The following TMEM63C variants were observed in gnomAD, a reference collection of about 807,000 sequenced individuals.
TMEM63C encodes osmosensitive cation channel TMEM63C.
In TMEM63C, 32 loss-of-function variants were observed where a neutral mutation model predicts 99.2. The observed-to-expected ratio is 0.32, with a 90% CI of 0.24 to 0.43. TMEM63C has a LOEUF of 0.43. Among genes scored for constraint, TMEM63C ranks in the 20% least tolerant of loss-of-function variants. The pLI is 1.00. For missense variants in TMEM63C, 826 were observed against 1,053.0 expected (o/e 0.78, Z 2.98); for synonymous variants, 376 against 397.9 (o/e 0.94, Z 0.66).
At position 77,246,007 on chromosome 14, in the gene TMEM63C, C is replaced by T; in HGVS notation, c.1516C>T (p.Pro506Ser). The change falls in exon 17 of 24, where the codon CCC becomes TCC. Residue 506 changes from proline (P) to serine (S), a missense_variant. Physicochemically the swap from Pro to Ser is moderately conservative, Grantham distance 74 (BLOSUM62 -1). Coordinates refer to ENST00000298351, the MANE Select transcript of TMEM63C (RefSeq NM_020431.4). ...IFLVFMVVIL[P>S]SMGLTSLDVF... ...TCTGGTGTTCATGGTAGTCATTCTG[C>T]CCTCTATGGGACTGACCAGGTACCT... 6.2e-7 allele frequency: 1 copy of T among 1,613,682 alleles called. No homozygotes were observed. The highest frequency in any genetic ancestry group is 2.2e-5 in the East Asian group (1 of 44,884).
At chr14:77,232,563 C>T (rs913952178) in intron 7 of TMEM63C, among the ~76,000 whole-genome samples, 1 of 152,208 alleles carries the variant, frequency 6.6e-6, no homozygotes, top group African/African-American at 2.4e-5. Flanking sequence ...GCTGAGATTA[C>T]AGGCATGAGC....
chr14:77,205,048 G>A (rs575168608), intron 1 of TMEM63C, among the ~76,000 whole-genome samples: 15 of 152,350 alleles, frequency 9.8e-5, no homozygotes, highest in African/African-American at 3.4e-4. Context: ...AGATTAACCA[G>A]GGGGAGAATG....
intron 1 of TMEM63C, among the ~76,000 whole-genome samples, chr14:77,206,879 T>C (rs1888411562): frequency 7.0e-6 from 1 of 143,612 alleles, no homozygotes; most frequent in Non-Finnish European, 1.5e-5. Flanking sequence ...ATAATTTTAG[T>C]TTTTTTCTTT....
intron 1 of TMEM63C, among the ~76,000 whole-genome samples, chr14:77,187,264 G>T (rs1490665146): frequency 6.6e-6 from 1 of 152,222 alleles, no homozygotes; most frequent in Non-Finnish European, 1.5e-5. Flanking sequence ...ACCTCTTACT[G>T]CTGGGGCTGG....
chr14:77,203,648 G>C (rs1020781526), intron 1 of TMEM63C, among the ~76,000 whole-genome samples: 1 of 152,260 alleles, frequency 6.6e-6, no homozygotes, highest in African/African-American at 2.4e-5. Context: ...CTGAGGACAG[G>C]CCATATGTAA....
At chr14:77,240,387 A>C (rs1378501558) in intron 12 of TMEM63C, 88 bp from the exon 13 acceptor site, 9 of 1,462,996 alleles carry the variant, frequency 6.2e-6, no homozygotes, top group Non-Finnish European at 7.2e-6. Flanking sequence ...ACCACAATCC[A>C]GGGAGGCTTG....
intron 8 of TMEM63C, 142 bp downstream of exon 8, chr14:77,233,642 G>A: frequency 1.2e-6 from 1 of 824,472 alleles, no homozygotes. Context: ...TCCTGAGTGA[G>A]ATGCCAGAAG....
In TMEM63C at chr14:77,256,508, T is replaced by C. The variant is rs1889463599; in HGVS notation, c.2221-18T>C. 1.2e-5 allele frequency: 20 copies of C among 1,613,664 alleles called. No individual in the cohort carries two copies. Among genetic ancestry groups the C allele is most frequent in the Non-Finnish European group, 1.6e-5 (19 of 1,179,770 alleles). On this transcript the variant is annotated intron_variant, in intron 23 of 23. Coordinates refer to ENST00000298351, the MANE Select transcript of TMEM63C (RefSeq NM_020431.4). ...CCAACGTGACCTTGCTCCTGTCCCCTGTCTCTATCCCAAGCAGCTGTATGT... is the reference window on the plus strand; with the variant it reads ...CCAACGTGACCTTGCTCCTGTCCCCCGTCTCTATCCCAAGCAGCTGTATGT...
intron 2 of TMEM63C, among the ~76,000 whole-genome samples, chr14:77,215,374 G>A (rs186107332): frequency 1.3e-5 from 2 of 152,110 alleles, no homozygotes; most frequent in African/African-American, 2.4e-5. Context: ...GCCGAGGTGG[G>A]TGGGTCACCT....
At chr14:77,250,131 T>C (rs8004209) in intron 21 of TMEM63C, among the ~76,000 whole-genome samples, 36,821 of 152,136 alleles carry the variant, frequency 0.24, 6,371 homozygotes, top group African/African-American at 0.49. Flanking sequence ...CGCCGGTGCC[T>C]AGTGGTAGAT....
intron 23 of TMEM63C, among the ~76,000 whole-genome samples, chr14:77,255,375 C>A (rs929517086): frequency 6.6e-6 from 1 of 152,160 alleles, no homozygotes; most frequent in Non-Finnish European, 1.5e-5. Context: ...ATTCAAATTG[C>A]CTTAATTGTT....
chr14:77,238,010 CA>C (rs1847177695), intron 9 of TMEM63C, among the ~76,000 whole-genome samples: 1 of 152,234 alleles, frequency 6.6e-6, no homozygotes, highest in South Asian at 2.1e-4. Context: ...GAGGCTTGGT[CA>C]CCCTTGACCA....
rs116434167 is a variant in TMEM63C, at chr14:77,239,430, T to C, written c.744T>C (p.Ser248=). The change falls in exon 11 of 24, where the codon AGT becomes AGC. Residue 248 remains serine, a synonymous_variant. Transcript: ENST00000298351. ...IKHFHEAYPG[S]VVTRVHFCYD... ...GCTGCAGCGAGGCCTATCCAGGCAG[T>C]GTCGTGACAAGAGTCCACTTCTGCT... 2.6e-3 allele frequency: 4,250 copies of C among 1,613,632 alleles called. 83 individuals carry two copies. The African/African-American group carries it at 0.049, about 19-fold the overall frequency.
Position 77,257,215 on chromosome 14 carries a change from A to G in TMEM63C, c.*489A>G, listed in dbSNP as rs530384956. ...AGGCAAAGGTATGTGCACGGGGCAC[A>G]TTGACAGGACACGGAGGACCACCTC... On this transcript the variant is annotated 3_prime_UTR_variant, in exon 24 of 24. Coordinates refer to ENST00000298351, the MANE Select transcript of TMEM63C (RefSeq NM_020431.4). 6.3e-6 allele frequency: 1 copy of G among 158,862 alleles called. No homozygotes were observed. Among genetic ancestry groups the G allele is most frequent in the Non-Finnish European group, 1.4e-5 (1 of 72,098 alleles). The allele number at this position is 158,862 out of a possible 1,614,324, so 9.8% of individuals were successfully genotyped here.
intron 21 of TMEM63C, 158 bp from the exon 22 acceptor site, chr14:77,251,631 G>A: frequency 1.6e-6 from 1 of 625,398 alleles, no homozygotes; most frequent in Non-Finnish European, 2.9e-6. Context: ...AAGGGATGAT[G>A]TTATTTTGTC....
intron 23 of TMEM63C, among the ~76,000 whole-genome samples, chr14:77,255,131 C>T (rs1644424169): frequency 6.6e-6 from 1 of 152,192 alleles, no homozygotes; most frequent in Non-Finnish European, 1.5e-5. Flanking sequence ...GCTGGGATTA[C>T]AGGCACATGC....
chr14:77,254,183 G>C (rs954659025), intron 23 of TMEM63C, among the ~76,000 whole-genome samples: 4 of 152,224 alleles, frequency 2.6e-5, no homozygotes, highest in Non-Finnish European at 5.9e-5. Context: ...CCTGTGCGAA[G>C]GCCTGGAGAC....
intron 1 of TMEM63C, among the ~76,000 whole-genome samples, chr14:77,205,049 G>A (rs887228993): frequency 6.6e-6 from 1 of 152,234 alleles, no homozygotes; most frequent in African/African-American, 2.4e-5. Context: ...GATTAACCAG[G>A]GGGAGAATGA....
intron 6 of TMEM63C, among the ~76,000 whole-genome samples, chr14:77,228,903 G>A (rs1279185478): frequency 6.6e-6 from 1 of 152,166 alleles, no homozygotes; most frequent in South Asian, 2.1e-4. Flanking sequence ...CTGACAAGGG[G>A]GCAGGGGTGG....
Sources: allele counts gnomAD v4.1 joint callset (sites outside exome capture counted in the v4.1 genomes callset), GRCh38; gene constraint gnomAD v4.1.1; transcripts MANE v1.5; gene names NCBI Gene and HGNC (gene_info 2026-07-23, HGNC 2026-07-21).